Variants in TGFBRAP1 observed in about 807,000 individuals in gnomAD.
TGFBRAP1 encodes transforming growth factor-beta receptor-associated protein 1.
TGFBRAP1 carries 20 observed loss-of-function variants against 83.2 expected under a neutral mutation model. The ratio of observed to expected loss-of-function variants is 0.24; its 90% confidence interval spans 0.17 to 0.35. The LOEUF (loss-of-function observed/expected upper bound fraction) is 0.35, where lower values mean the gene tolerates loss of function less well. TGFBRAP1 is among the 10% of genes least tolerant of loss of function. TGFBRAP1 has a pLI of 1.00. For synonymous variants in TGFBRAP1, 415 were observed against 459.8 expected (o/e 0.90, Z 1.25); for missense variants, 950 against 1,099.4 (o/e 0.86, Z 1.92).
chr2:105,254,645 T>A, the TGFBRAP1 span, among the ~76,000 whole-genome samples: 1 of 152,098 alleles, frequency 6.6e-6, no homozygotes, highest in Non-Finnish European at 1.5e-5. Flanking sequence ...GCTTTCTGCC[T>A]GCCAGGCTGG....
intron 4 of TGFBRAP1, among the ~76,000 whole-genome samples, chr2:105,293,203 C>T (rs531290346): frequency 2.0e-5 from 3 of 152,008 alleles, no homozygotes; most frequent in Non-Finnish European, 4.4e-5. Flanking sequence ...CTATCGGAGC[C>T]CAAGCTTAAA....
At chr2:105,291,681 T>C (rs1390565684) in intron 4 of TGFBRAP1, among the ~76,000 whole-genome samples, 3 of 152,020 alleles carry the variant, frequency 2.0e-5, no homozygotes, top group Non-Finnish European at 2.9e-5. Context: ...GAAGGACAAA[T>C]ATTGTATGAC....
chr2:105,308,204 C>T lies in TGFBRAP1; in HGVS notation c.98G>A (p.Cys33Tyr). The change falls in exon 2 of 12, where the codon TGC becomes TAC. Residue 33 changes from cysteine to tyrosine, a missense_variant. Cys to Tyr is a radical substitution (Grantham distance 194). Transcript: ENST00000393359. ...ERVNIECVECCGRDLYVGTND... is the reference protein window; with the variant it reads ...ERVNIECVECYGRDLYVGTND... ...GGTGCCCACGTAGAGGTCCCTGCCG[C>T]AGCACTCCACGCACTCTATGTTGAC... The T allele has an allele frequency of 1.2e-6, 2 of 1,614,206 alleles. No individual in the cohort carries two copies. The highest frequency in any genetic ancestry group is 1.7e-6 in the Non-Finnish European group (2 of 1,180,050).
In TGFBRAP1 at chr2:105,290,616, AGTGT is replaced by A. The variant is rs3060065; in HGVS notation, c.1038+5736_1038+5739del. Among the ~76,000 whole-genome samples, 1,245 of 140,068 alleles carry A rather than the reference AGTGT, an allele frequency of 8.9e-3. 12 individuals are homozygous for A. The highest frequency in any genetic ancestry group is 0.011 in the Middle Eastern group (3 of 272). 91.9% of individuals were successfully genotyped at this position (140,068 alleles called of 152,430 possible). A position where few individuals can be genotyped will look rare whatever the true frequency, so the allele number is the denominator to read the frequency against. On this transcript the variant is annotated intron_variant, in intron 4 of 11. Transcript: ENST00000393359. Reference sequence around the variant, plus strand: ...GAGAGAAAGAGAGAAACAGAGAGACAGTGTGTGTGTGTGTGTGTGTGTGTGTGTG... The same window carrying A: ...GAGAGAAAGAGAGAAACAGAGAGACAGTGTGTGTGTGTGTGTGTGTGTGTG...
chr2:105,273,968 C>T (rs1677248016), intron 8 of TGFBRAP1, among the ~76,000 whole-genome samples: 1 of 152,206 alleles, frequency 6.6e-6, no homozygotes, highest in African/African-American at 2.4e-5. Flanking sequence ...AAGTCCTCCT[C>T]ACACACCCCA....
intron 9 of TGFBRAP1, 127 bp downstream of exon 9, chr2:105,273,417 A>G (rs1677227365): frequency 7.6e-7 from 1 of 1,319,484 alleles, no homozygotes; most frequent in Admixed American, 2.5e-5. Context: ...CCGCCATCAG[A>G]CCATCAACAA....
rs1323340004 is a variant in TGFBRAP1, at chr2:105,308,029, C to G, written c.273G>C (p.Leu91=). The part of the protein sequence containing the change: ...ELRAASALNR[L]LVLCDNSISL... The stretch of plus-strand genomic sequence containing the variant: ...TGATGGAGTTGTCACACAGCACCAG[C>G]AGCCTGTTGAGTGCTGAGGCCGCAC... Residue 91 remains leucine (L), a synonymous_variant, in exon 2 of 12, where the codon CTG becomes CTC. Coordinates refer to ENST00000393359, the MANE Select transcript of TGFBRAP1 (RefSeq NM_004257.6). 1 of 1,613,914 alleles carries G rather than the reference C, an allele frequency of 6.2e-7. No homozygotes were observed. The highest frequency in any genetic ancestry group is 2.2e-5 in the East Asian group (1 of 44,870).
downstream of TGFBRAP1, among the ~76,000 whole-genome samples, chr2:105,262,236 G>T (rs897800895): frequency 1.3e-5 from 2 of 152,160 alleles, no homozygotes; most frequent in Non-Finnish European, 2.9e-5. Context: ...GTTGGAGGTG[G>T]GGCCTAGTGG....
intron 1 of TGFBRAP1, among the ~76,000 whole-genome samples, chr2:105,326,187 TAC>T (rs1410725596): frequency 1.3e-5 from 2 of 152,150 alleles, no homozygotes; most frequent in African/African-American, 4.8e-5. Context: ...TATATTTATA[TAC>T]ACACACATAT....
the TGFBRAP1 span, among the ~76,000 whole-genome samples, chr2:105,252,681 G>C: frequency 6.0e-5 from 9 of 150,602 alleles, no homozygotes; most frequent in Admixed American, 1.3e-4. Flanking sequence ...TTCTTCTCTG[G>C]TTTCCTTCTC....
At chr2:105,258,771 ACACT>A in the TGFBRAP1 span, among the ~76,000 whole-genome samples, 19 of 126,882 alleles carry the variant, frequency 1.5e-4, no homozygotes, top group Non-Finnish European at 2.3e-4. Flanking sequence ...ACACACACAC[ACACT>A]GTCTCTCTCT....
intron 8 of TGFBRAP1, among the ~76,000 whole-genome samples, chr2:105,274,332 C>A (rs1416362558): frequency 6.6e-6 from 1 of 152,200 alleles, no homozygotes; most frequent in Non-Finnish European, 1.5e-5. Flanking sequence ...CTCCCCTGAG[C>A]ACTTACATGT....
In TGFBRAP1 at chr2:105,273,348, G is replaced by A. The variant is rs527754536; in HGVS notation, c.1812+196C>T. On this transcript the variant is annotated intron_variant, in intron 9 of 11. Transcript: ENST00000393359. ...AATAAAAGCTGAGTGGGTGTGAGAC[G>A]GACGGAGAAAAAAATAAAGCTACCT... is the stretch of plus-strand genomic sequence containing the variant. 1.7e-3 allele frequency among the ~76,000 whole-genome samples: 260 copies of A among 152,228 alleles called. 1 individual carries two copies. Among genetic ancestry groups the A allele is most frequent in the African/African-American group, 6.0e-3 (250 of 41,532 alleles).
At chr2:105,286,271 G>GA (rs777975950) in intron 4 of TGFBRAP1, among the ~76,000 whole-genome samples, 8 of 152,216 alleles carry the variant, frequency 5.3e-5, no homozygotes, top group Non-Finnish European at 8.8e-5. Flanking sequence ...CATGGATGCT[G>GA]AAGCCCAGGA....
At chr2:105,316,462 T>TGTGTGTGTGTGC (rs1177329674) in intron 1 of TGFBRAP1, among the ~76,000 whole-genome samples, 273 of 84,766 alleles carry the variant, frequency 3.2e-3, no homozygotes, top group Middle Eastern at 5.7e-3. Flanking sequence ...TGTGTGTGTG[T>TGTGTGTGTGTGC]GCGCGCGCGC....
At chr2:105,314,108 A>T (rs1260877794) in intron 1 of TGFBRAP1, among the ~76,000 whole-genome samples, 2 of 152,118 alleles carry the variant, frequency 1.3e-5, no homozygotes, top group Non-Finnish European at 2.9e-5. Flanking sequence ...GAGAAAAGAC[A>T]AGTGAAGACA....
intron 4 of TGFBRAP1, among the ~76,000 whole-genome samples, chr2:105,292,355 G>A (rs1416496098): frequency 6.6e-6 from 1 of 152,174 alleles, no homozygotes; most frequent in Non-Finnish European, 1.5e-5. Context: ...GGGAATTGAG[G>A]GCTATTCCTC....
At chr2:105,312,069 A>T (rs1391462796) in intron 1 of TGFBRAP1, among the ~76,000 whole-genome samples, 1 of 152,188 alleles carries the variant, frequency 6.6e-6, no homozygotes, top group African/African-American at 2.4e-5. Flanking sequence ...GGGGTTCTGA[A>T]TCAGAGAAGT....
Position 105,267,097 on chromosome 2 carries a change from C to A in TGFBRAP1, c.*286G>T. 2 of 274,116 alleles carry A rather than the reference C, an allele frequency of 7.3e-6. No individual in the cohort carries two copies. The highest frequency in any genetic ancestry group is 6.8e-6 in the Non-Finnish European group (1 of 146,664). The allele number at this position is 274,116 out of a possible 1,614,324, so 17.0% of individuals were successfully genotyped here. A position where few individuals can be genotyped will look rare whatever the true frequency, so the allele number is the denominator to read the frequency against. ...TTTTTTTTTTTTTCAAAGTAGACCT[C>A]TGTCTTGGATTACTATGTACCTGGA... On this transcript the variant is annotated 3_prime_UTR_variant, in exon 12 of 12. Transcript: ENST00000393359.
Sources: gnomAD v4.1 joint callset for allele counts (sites outside exome capture counted in the v4.1 genomes callset) on GRCh38, gnomAD v4.1.1 for gene constraint, MANE v1.5 for transcripts, NCBI Gene and HGNC (gene_info 2026-07-23, HGNC 2026-07-21) for gene names.